Variants in TSPEAR observed in about 807,000 individuals in gnomAD.
The protein encoded by TSPEAR is thrombospondin-type laminin G domain and EAR repeat-containing protein.
A neutral mutation model predicts 71.6 loss-of-function variants in TSPEAR; 69 were observed. That is an observed-to-expected ratio of 0.96 (90% CI 0.79 to 1.18). The LOEUF is 1.18. TSPEAR is among the 50% of genes most tolerant of loss of function. The probability of loss-of-function intolerance (pLI) is 0.00; values close to 1 mark genes in which losing one functional copy is unlikely to be tolerated. For missense variants in TSPEAR, 971 were observed against 894.9 expected (o/e 1.09, Z -1.09); for synonymous variants, 402 against 387.2 (o/e 1.04, Z -0.45).
chr21:44,681,686 T>C, intron 1 of TSPEAR: 2 of 1,108,328 alleles, frequency 1.8e-6, no homozygotes, highest in Middle Eastern at 3.1e-4. Flanking sequence ...CAGATCATTC[T>C]ATTATATTCT....
At chr21:44,530,455 C>CCACG (rs2052946028) in intron 4 of TSPEAR, among the ~76,000 whole-genome samples, 1 of 151,908 alleles carries the variant, frequency 6.6e-6, no homozygotes, top group Non-Finnish European at 1.5e-5. Context: ...GTTCATCTCT[C>CCACG]CACGCATCCA....
At chr21:44,590,776 G>A (rs1979740504) in intron 1 of TSPEAR, among the ~76,000 whole-genome samples, 1 of 150,922 alleles carries the variant, frequency 6.6e-6, no homozygotes. Flanking sequence ...GGCCCAGAGT[G>A]CTGCCAGGGT....
Position 44,522,533 on chromosome 21 carries a change from G to C in TSPEAR, c.1337-421C>G, listed in dbSNP as rs1477289331. Among the ~76,000 whole-genome samples the C allele has an allele frequency of 1.3e-5, 2 of 152,232 alleles. 1 individual carries two copies. The highest frequency in any genetic ancestry group is 4.8e-5 in the African/African-American group (2 of 41,462). ...GTGGAGCTCCCCCATTGGGTGGGTC[G>C]TGGGCTCAGGGGAGTGCAGAGCTGT... On this transcript the variant is annotated intron_variant, in intron 8 of 11. Coordinates refer to ENST00000323084, the MANE Select transcript of TSPEAR (RefSeq NM_144991.3).
At position 44,539,618 on chromosome 21, in the gene TSPEAR, G is replaced by A. The variant is rs587686185; in HGVS notation, c.304-5695C>T. 7.2e-5 allele frequency: 116 copies of A among 1,613,670 alleles called. No homozygotes were observed. The East Asian group carries it at 2.0e-3, about 28-fold the overall frequency. On this transcript the variant is annotated intron_variant, in intron 2 of 11. Transcript: ENST00000323084. ...GGGCACGCAGCAGGCCTGCTGGCAG[G>A]GGGAGGAGGTGCAGCAAGCTGGATG...
chr21:44,508,976 G>T, intron 10 of TSPEAR: 1 of 1,535,740 alleles, frequency 6.5e-7, no homozygotes, highest in Non-Finnish European at 8.8e-7. Context: ...ACCCGGCTCT[G>T]GGAACCAAAC....
chr21:44,513,048 T>C (rs2052439897), intron 9 of TSPEAR, among the ~76,000 whole-genome samples: 1 of 152,242 alleles, frequency 6.6e-6, no homozygotes, highest in Non-Finnish European at 1.5e-5. Context: ...TTAGTCTGTG[T>C]GTATCCCATG....
At chr21:44,547,520 T>C (rs2053320592) in intron 2 of TSPEAR, among the ~76,000 whole-genome samples, 1 of 152,248 alleles carries the variant, frequency 6.6e-6, no homozygotes, top group South Asian at 2.1e-4. Context: ...CCTCCCTCTG[T>C]GCAGTTTGCT....
intron 1 of TSPEAR, among the ~76,000 whole-genome samples, chr21:44,680,058 G>C (rs1440236228): frequency 2.6e-5 from 4 of 152,136 alleles, no homozygotes; most frequent in African/African-American, 9.7e-5. Context: ...AAACTGAAAA[G>C]CTCTGCACAG....
Position 44,677,068 on chromosome 21 carries a change from T to C in TSPEAR, c.82+34365A>G, listed in dbSNP as rs587736527. ...CTGAGCTTGGCCCACCAGCTCATGA[T>C]ACTGAGATACAAGCTTAGACTCAAA... On this transcript the variant is annotated intron_variant, in intron 1 of 11. Transcript: ENST00000323084. 6.8e-4 allele frequency: 500 copies of C among 735,008 alleles called. 7 individuals are homozygous for C. The South Asian group carries it at 7.0e-3, about 10-fold the overall frequency. The allele number at this position is 735,008 out of a possible 1,614,324, so 45.5% of individuals were successfully genotyped here.
At chr21:44,676,967 G>T in intron 1 of TSPEAR, 1 of 917,418 alleles carries the variant, frequency 1.1e-6, no homozygotes, top group Non-Finnish European at 1.8e-6. Flanking sequence ...TTGTCAGCTG[G>T]GTCCGAAACG....
chr21:44,633,947 T>C (rs1555936159), intron 1 of TSPEAR, among the ~76,000 whole-genome samples: 1 of 151,736 alleles, frequency 6.6e-6, no homozygotes, highest in Non-Finnish European at 1.5e-5. Context: ...TTATAACTGA[T>C]GTTAGGTACA....
chr21:44,660,521 G>A (rs1313728197), intron 1 of TSPEAR, among the ~76,000 whole-genome samples: 3 of 152,342 alleles, frequency 2.0e-5, no homozygotes, highest in South Asian at 2.1e-4. Context: ...CACTAAAAGT[G>A]TCTTTCAAAA....
intron 1 of TSPEAR, among the ~76,000 whole-genome samples, chr21:44,631,986 T>C (rs982727703): frequency 3.9e-5 from 6 of 152,208 alleles, no homozygotes; most frequent in Non-Finnish European, 7.3e-5. Flanking sequence ...TGAAAAGTTT[T>C]GAAGACGGAT....
rs1601385627 is a variant in TSPEAR at position 44,539,255 on chromosome 21, A to T, written c.304-5332T>A. On this transcript the variant is annotated intron_variant, in intron 2 of 11. Transcript: ENST00000323084. ...GTCAGGAACTGAGCCCAGCTGGCCC[A>T]GGGCGGGTGCCCATCAGCAGCTGGA... 7 of 1,588,702 alleles carry T rather than the reference A, an allele frequency of 4.4e-6. No homozygotes were observed. The East Asian group carries it at 8.9e-5, about 20-fold the overall frequency.
chr21:44,521,586 T>C (rs1373095403), intron 9 of TSPEAR, among the ~76,000 whole-genome samples: 2 of 152,208 alleles, frequency 1.3e-5, no homozygotes, highest in African/African-American at 2.4e-5. Flanking sequence ...GGCTGCTTTA[T>C]GGAGAACACC....
At chr21:44,649,748 G>T (rs1161817745) in intron 1 of TSPEAR, among the ~76,000 whole-genome samples, 1 of 152,200 alleles carries the variant, frequency 6.6e-6, no homozygotes, top group African/African-American at 2.4e-5. Flanking sequence ...GGGCCTTCCT[G>T]TGTGTGCAGT....
At chr21:44,500,022 C>A in intron 11 of TSPEAR, 86 bp from the exon 12 acceptor site, 1 of 1,396,084 alleles carries the variant, frequency 7.2e-7, no homozygotes, top group Non-Finnish European at 9.5e-7. Context: ...CTGTCAGGGA[C>A]CCAGCAGCTC....
rs1349760552 is a variant in TSPEAR, at chr21:44,610,880, T to C, written c.83-42875A>G. 2.0e-5 allele frequency among the ~76,000 whole-genome samples: 3 copies of C among 152,374 alleles called. No homozygotes were observed. In the East Asian group the frequency reaches 5.8e-4, roughly 29 times the overall value. On this transcript the variant is annotated intron_variant, in intron 1 of 11. Coordinates refer to ENST00000323084, the MANE Select transcript of TSPEAR (RefSeq NM_144991.3). ...GACCTGGAGTCAAACGAGATCATTT[T>C]GGAGCTTTAAAATTTGACTCCCCTG...
intron 1 of TSPEAR, among the ~76,000 whole-genome samples, chr21:44,583,040 A>C (rs1211059): frequency 0.95 from 143,734 of 152,040 alleles, 68,084 homozygotes; most frequent in Non-Finnish European, 0.97. Flanking sequence ...TGGGGTTTGG[A>C]CATTTTGGCC....
Sources: gnomAD v4.1 joint callset for allele counts (sites outside exome capture counted in the v4.1 genomes callset) on GRCh38, gnomAD v4.1.1 for gene constraint, MANE v1.5 for transcripts, NCBI Gene and HGNC (gene_info 2026-07-23, HGNC 2026-07-21) for gene names.